Variants in DLGAP2 observed in about 807,000 individuals in gnomAD.
DLGAP2 encodes the protein disks large-associated protein 2.
A neutral mutation model predicts 100.3 loss-of-function variants in DLGAP2; 26 were observed. The observed-to-expected ratio is 0.26, with a 90% confidence interval of 0.19 to 0.36. The LOEUF (loss-of-function observed/expected upper bound fraction) is 0.36, where lower values mean the gene tolerates loss of function less well. Among genes scored for constraint, DLGAP2 ranks in the 10% least tolerant of loss-of-function variants. The pLI is 1.00. For missense variants in DLGAP2, 1,858 were observed against 1,453.2 expected (o/e 1.28, Z -4.53); for synonymous variants, 886 against 630.1 (o/e 1.41, Z -6.08).
At position 1,295,910 on chromosome 8, in the gene DLGAP2, T is replaced by G. The variant is rs371546004; in HGVS notation, c.106+37027T>G. On this transcript the variant is annotated intron_variant, in intron 3 of 14. Transcript: ENST00000637795. ...TTCAGGAGCCTTAATTAATGAAGCG[T>G]CACAACATGCCTGCAGGCTACGTGA... 2.0e-5 allele frequency: 3 copies of G among 152,306 alleles called. No homozygotes were observed. The East Asian group carries it at 5.8e-4, about 30-fold the overall frequency. The allele number at this position is 152,306 out of a possible 1,614,324, so 9.4% of individuals were successfully genotyped here.
At chr8:1,229,998 A>G (rs916236545) in intron 2 of DLGAP2, among the ~76,000 whole-genome samples, 4 of 152,294 alleles carry the variant, frequency 2.6e-5, no homozygotes, top group Admixed American at 6.5e-5. Context: ...CCTATTCAAC[A>G]TAGTGCTGGC....
chr8:1,281,004 C>T (rs1039724489), intron 3 of DLGAP2, among the ~76,000 whole-genome samples: 1 of 152,160 alleles, frequency 6.6e-6, no homozygotes, highest in Non-Finnish European at 1.5e-5. Context: ...AGCTCCACGA[C>T]CTTGGTCAAG....
chr8:978,662 C>G (rs1294471543), intron 2 of DLGAP2, among the ~76,000 whole-genome samples: 1 of 151,016 alleles, frequency 6.6e-6, no homozygotes, highest in Non-Finnish European at 1.5e-5. Flanking sequence ...GGGTTCTGGT[C>G]TTTGGTGTTG....
intron 2 of DLGAP2, among the ~76,000 whole-genome samples, chr8:1,170,125 C>A (rs538241971): frequency 6.6e-6 from 1 of 152,124 alleles, no homozygotes; most frequent in African/African-American, 2.4e-5. Flanking sequence ...GCCTTTTCTG[C>A]GTCTATTAAG....
Position 1,668,493 on chromosome 8 carries a change from G to T in DLGAP2, c.1975G>T (p.Gly659Cys). 6.3e-7 allele frequency: 1 copy of T among 1,593,714 alleles called. No homozygotes were observed. Residue 659 changes from glycine (G) to cysteine (C), a missense_variant, in exon 9 of 15, where the codon GGC (glycine) becomes TGC (cysteine). Coordinates refer to ENST00000637795, the MANE Select transcript of DLGAP2 (RefSeq NM_001346810.2). Reference sequence around the variant, plus strand: ...GTCCCCGTGGCCCCAGGACAGCCGCGGCCTCTACAACTCCACGGACAGCCT... The same window carrying T: ...GTCCCCGTGGCCCCAGGACAGCCGCTGCCTCTACAACTCCACGGACAGCCT... ...RMSPWPQDSR[G>C]LYNSTDSLDS...
intron 3 of DLGAP2, among the ~76,000 whole-genome samples, chr8:1,389,866 A>G (rs2129805304): frequency 6.6e-6 from 1 of 152,174 alleles, no homozygotes; most frequent in African/African-American, 2.4e-5. Context: ...TTTCATGAAA[A>G]TTGGAAGACA....
At chr8:1,387,670 A>G (rs960423253) in intron 3 of DLGAP2, among the ~76,000 whole-genome samples, 1 of 152,156 alleles carries the variant, frequency 6.6e-6, no homozygotes, top group Admixed American at 6.5e-5. Context: ...AATAGGCACT[A>G]AGTTGGGTCC....
chr8:1,608,558 G>T (rs1426261626), intron 6 of DLGAP2, among the ~76,000 whole-genome samples: 1 of 127,550 alleles, frequency 7.8e-6, no homozygotes, highest in Non-Finnish European at 1.7e-5. Context: ...TTGACGAGCT[G>T]AGAGAAGAAG....
intron 10 of DLGAP2, among the ~76,000 whole-genome samples, chr8:1,670,334 C>A (rs528037214): frequency 1.3e-5 from 2 of 152,252 alleles, no homozygotes; most frequent in African/African-American, 4.8e-5. Context: ...GGACCCCACA[C>A]CCCTCCGTGG....
intron 3 of DLGAP2, among the ~76,000 whole-genome samples, chr8:1,383,877 G>T (rs557404096): frequency 3.9e-5 from 6 of 152,298 alleles, no homozygotes; most frequent in African/African-American, 1.4e-4. Context: ...TGAGAGAGCG[G>T]CAGATGTCTT....
intron 2 of DLGAP2, among the ~76,000 whole-genome samples, chr8:1,155,953 G>A (rs905653254): frequency 6.6e-6 from 1 of 152,202 alleles, no homozygotes; most frequent in East Asian, 1.9e-4. Flanking sequence ...CTGGGTGGGC[G>A]TCCCGTTCCT....
At chr8:1,463,080 C>G (rs1049499054) in intron 3 of DLGAP2, among the ~76,000 whole-genome samples, 29 of 152,126 alleles carry the variant, frequency 1.9e-4, no homozygotes, top group African/African-American at 6.0e-4. Flanking sequence ...GAGCCCCCAT[C>G]TCTACTAAAA....
chr8:1,219,486 A>C (rs1798275606), intron 2 of DLGAP2, among the ~76,000 whole-genome samples: 1 of 152,200 alleles, frequency 6.6e-6, no homozygotes, highest in African/African-American at 2.4e-5. Flanking sequence ...GTGGTGGATT[A>C]GCATCTTAAT....
Position 982,883 on chromosome 8 carries a change from ATTTTT to A in DLGAP2, c.73+74936_73+74940del, listed in dbSNP as rs35686773. 9.7e-4 allele frequency among the ~76,000 whole-genome samples: 114 copies of A among 117,326 alleles called. 1 individual carries two copies. Among genetic ancestry groups the A allele is most frequent in the Non-Finnish European group, 1.4e-3 (83 of 58,950 alleles). 77.0% of individuals were successfully genotyped at this position (117,326 alleles called of 152,430 possible). On this transcript the variant is annotated intron_variant, in intron 2 of 14. Transcript: ENST00000637795. ...ACACTCTAGGAATTTTAAAGGTAGG[ATTTTT>A]TTTTTTTTTTTTTTTTTTACATTTC... is the stretch of plus-strand genomic sequence containing the variant.
In DLGAP2 at chr8:817,719, G is replaced by C. The variant is rs768101634; in HGVS notation, c.18+79894G>C. On this transcript the variant is annotated intron_variant, in intron 1 of 14. Transcript: ENST00000637795. ...GTGGCTTCCTGAGAACCAAACTGTA[G>C]TGATTGTTTTTGCTCTTCTGGGTCC... 2.0e-5 allele frequency among the ~76,000 whole-genome samples: 3 copies of C among 152,316 alleles called. No individual in the cohort carries two copies. In the South Asian group the frequency reaches 6.2e-4, roughly 32 times the overall value.
intron 2 of DLGAP2, among the ~76,000 whole-genome samples, chr8:1,103,090 G>A (rs986415163): frequency 9.9e-5 from 15 of 151,986 alleles, no homozygotes; most frequent in African/African-American, 3.6e-4. Context: ...CTTTCTGGGG[G>A]TCTCTGAGGT....
At chr8:771,080 A>G (rs1181124157) in intron 1 of DLGAP2, among the ~76,000 whole-genome samples, 1 of 152,132 alleles carries the variant, frequency 6.6e-6, no homozygotes, top group East Asian at 1.9e-4. Flanking sequence ...TGAAGTTGTG[A>G]CAGGTCCCTT....
At chr8:1,037,518 C>A (rs1020336831) in intron 2 of DLGAP2, among the ~76,000 whole-genome samples, 6 of 152,294 alleles carry the variant, frequency 3.9e-5, no homozygotes, top group African/African-American at 1.4e-4. Flanking sequence ...AGGGACGGAG[C>A]ACGTGGACGT....
chr8:919,881 T>C (rs1798672551), intron 2 of DLGAP2, among the ~76,000 whole-genome samples: 1 of 152,202 alleles, frequency 6.6e-6, no homozygotes, highest in Non-Finnish European at 1.5e-5. Flanking sequence ...GCCTTTAAAA[T>C]GGAAATGTCT....
Sources: allele counts gnomAD v4.1 joint callset (sites outside exome capture counted in the v4.1 genomes callset), GRCh38; gene constraint gnomAD v4.1.1; transcripts MANE v1.5; gene names NCBI Gene and HGNC (gene_info 2026-07-23, HGNC 2026-07-21).